Variants in USP31 observed in about 807,000 individuals in gnomAD.
USP31 encodes ubiquitin specific peptidase 31.
USP31 carries 44 observed loss-of-function variants against 119.4 expected under a neutral mutation model. The ratio of observed to expected loss-of-function variants is 0.37; its 90% CI spans 0.29 to 0.47. The LOEUF is 0.47. Among genes scored for constraint, USP31 ranks in the 20% least tolerant of loss-of-function variants. USP31 has a pLI of 0.99. For missense variants in USP31, 1,643 were observed against 1,730.2 expected (o/e 0.95, Z 0.89); for synonymous variants, 749 against 705.6 (o/e 1.06, Z -0.97).
At chr16:23,102,706 C>A (rs549922569) in intron 5 of USP31, among the ~76,000 whole-genome samples, 10 of 152,006 alleles carry the variant, frequency 6.6e-5, no homozygotes, top group African/African-American at 2.2e-4. Context: ...CAACCAACTG[C>A]AGATCAAAAA....
At chr16:23,083,713 A>AGGGGGGGGG (rs1900954021) in intron 11 of USP31, among the ~76,000 whole-genome samples, 2 of 36,694 alleles carry the variant, frequency 5.5e-5, no homozygotes, top group Non-Finnish European at 1.1e-4. Context: ...GGGGGGGGGA[A>AGGGGGGGGG]GGGGTGAAAA....
At chr16:23,111,320 A>T (rs944051927) in intron 1 of USP31, among the ~76,000 whole-genome samples, 1 of 152,150 alleles carries the variant, frequency 6.6e-6, no homozygotes, top group African/African-American at 2.4e-5. Flanking sequence ...TGGTAGAATC[A>T]ATAGGATTTG....
intron 6 of USP31, among the ~76,000 whole-genome samples, chr16:23,099,063 AATCT>A (rs1476127904): frequency 6.6e-6 from 1 of 152,234 alleles, no homozygotes; most frequent in African/African-American, 2.4e-5. Context: ...AAATTTTTGC[AATCT>A]ATCCATCTGA....
At chr16:23,143,936 C>T (rs912308301) in intron 1 of USP31, among the ~76,000 whole-genome samples, 3 of 151,990 alleles carry the variant, frequency 2.0e-5, no homozygotes, top group African/African-American at 7.3e-5. Flanking sequence ...AACCAGTGCT[C>T]TAAGAGTAGG....
chr16:23,090,268 C>T (rs1901294715), intron 7 of USP31, among the ~76,000 whole-genome samples: 1 of 152,144 alleles, frequency 6.6e-6, no homozygotes, highest in South Asian at 2.1e-4. Flanking sequence ...CGCCTATAAT[C>T]CCAGCTACTC....
Position 23,067,933 on chromosome 16 carries a change from G to T in USP31, c.*113C>A. ...TACACTCACACACACACACACAGTC[G>T]GGCACGTGACTCAAAAAAGTACAAA... On this transcript the variant is annotated 3_prime_UTR_variant, in exon 16 of 16. Transcript: ENST00000219689. The T allele has an allele frequency of 6.4e-6, 8 of 1,249,428 alleles. No individual in the cohort carries two copies. Among genetic ancestry groups the T allele is most frequent in the East Asian group, 2.4e-5 (1 of 42,024 alleles). 77.4% of individuals were successfully genotyped at this position (1,249,428 alleles called of 1,614,324 possible).
chr16:23,111,737 G>GA (rs1046660332), intron 1 of USP31, among the ~76,000 whole-genome samples: 1 of 151,960 alleles, frequency 6.6e-6, no homozygotes, highest in Non-Finnish European at 1.5e-5. Flanking sequence ...AGAAGCCCAA[G>GA]AAAAAAACCA....
At chr16:23,084,822 T>C in intron 11 of USP31, 38 bp downstream of exon 11, 2 of 1,611,566 alleles carry the variant, frequency 1.2e-6, no homozygotes, top group Non-Finnish European at 1.7e-6. Flanking sequence ...CACTCCCCAC[T>C]GCCCTGAGCA....
intron 1 of USP31, among the ~76,000 whole-genome samples, chr16:23,134,586 T>G (rs1191598154): frequency 1.3e-5 from 2 of 150,632 alleles, no homozygotes; most frequent in Admixed American, 6.6e-5. Context: ...ATACCAAACC[T>G]TAAAGGAAAT....
intron 1 of USP31, among the ~76,000 whole-genome samples, chr16:23,139,601 T>C (rs986411629): frequency 2.6e-5 from 4 of 152,140 alleles, no homozygotes; most frequent in African/African-American, 9.7e-5. Flanking sequence ...TTAGTTTCCC[T>C]CAAAGGCTTA....
At chr16:23,121,263 C>G (rs1902659483) in intron 1 of USP31, among the ~76,000 whole-genome samples, 1 of 152,178 alleles carries the variant, frequency 6.6e-6, no homozygotes, top group South Asian at 2.1e-4. Flanking sequence ...CTCTACACAG[C>G]CAACCCTATG....
chr16:23,109,640 T>C (rs995125080), intron 1 of USP31, among the ~76,000 whole-genome samples: 3 of 152,182 alleles, frequency 2.0e-5, no homozygotes, highest in African/African-American at 4.8e-5. Flanking sequence ...AAGTAACTTA[T>C]AGTTACTAAC....
Position 23,106,489 on chromosome 16 carries a change from T to TA in USP31, c.772-3dup, listed in dbSNP as rs137886921. 1,458 of 1,347,836 alleles carry TA rather than the reference T, an allele frequency of 1.1e-3. No homozygotes were observed. Among genetic ancestry groups the TA allele is most frequent in the Admixed American group, 2.6e-3 (121 of 47,424 alleles). 83.5% of individuals were successfully genotyped at this position (1,347,836 alleles called of 1,614,324 possible). On this transcript the variant is annotated splice_polypyrimidine_tract_variant and splice_region_variant and intron_variant, in intron 2 of 15. Coordinates refer to ENST00000219689, the MANE Select transcript of USP31 (RefSeq NM_020718.4). Reference sequence around the variant, plus strand: ...CATCATATCAGTCTCTGATGGTGGCTAAAAAAAAAAGAAAGTACAACTTCA... The same window carrying TA: ...CATCATATCAGTCTCTGATGGTGGCTAAAAAAAAAAAGAAAGTACAACTTCA...
At chr16:23,098,068 A>G (rs1218953807) in intron 6 of USP31, among the ~76,000 whole-genome samples, 4 of 152,220 alleles carry the variant, frequency 2.6e-5, no homozygotes, top group Non-Finnish European at 5.9e-5. Context: ...GTATATCTAG[A>G]AAACCCCATC....
intron 1 of USP31, among the ~76,000 whole-genome samples, chr16:23,134,539 G>C (rs1903127465): frequency 6.6e-6 from 1 of 152,074 alleles, no homozygotes; most frequent in Admixed American, 6.6e-5. Context: ...GCCAGGATTT[G>C]AACACTAACC....
At chr16:23,071,389 C>T (rs1178294563) in intron 15 of USP31, among the ~76,000 whole-genome samples, 1 of 151,722 alleles carries the variant, frequency 6.6e-6, no homozygotes, top group African/African-American at 2.4e-5. Context: ...TGTGGCTGCC[C>T]GGTCCTTCCC....
Position 23,072,203 on chromosome 16 carries a change from G to A in USP31, c.2336-6C>T, listed in dbSNP as rs767573673. The A allele has an allele frequency of 1.2e-6, 2 of 1,603,976 alleles. No individual in the cohort carries two copies. Among genetic ancestry groups the A allele is most frequent in the East Asian group, 4.5e-5 (2 of 44,886 alleles). On this transcript the variant is annotated splice_region_variant and splice_polypyrimidine_tract_variant and intron_variant, in intron 14 of 15. Transcript: ENST00000219689. ...CAGGGAAGAACTTGTGGAGCCTGCA[G>A]AGAAGAAAACAGGCATAGAGGTCAG...
In USP31 at chr16:23,126,996, C is replaced by G. The variant is rs9934381; in HGVS notation, c.634-18813G>C. Among the ~76,000 whole-genome samples, 1,413 of 152,206 alleles carry G rather than the reference C, an allele frequency of 9.3e-3. 18 individuals carry two copies. The highest frequency in any genetic ancestry group is 0.03 in the African/African-American group (1,228 of 41,510). On this transcript the variant is annotated intron_variant, in intron 1 of 15. Transcript: ENST00000219689. ...GAGAAAGGCAATAGAGTGGAAGGATCAGAGACAGAGCTAGATTTCTGAATA... is the reference window on the plus strand; with the variant it reads ...GAGAAAGGCAATAGAGTGGAAGGATGAGAGACAGAGCTAGATTTCTGAATA...
intron 5 of USP31, among the ~76,000 whole-genome samples, chr16:23,105,123 G>A (rs1902042238): frequency 6.6e-6 from 1 of 152,274 alleles, no homozygotes; most frequent in East Asian, 1.9e-4. Flanking sequence ...CTGCGAGGAC[G>A]CTCCACTGCC....
Sources: gnomAD v4.1 joint callset for allele counts (sites outside exome capture counted in the v4.1 genomes callset) on GRCh38, gnomAD v4.1.1 for gene constraint, MANE v1.5 for transcripts, NCBI Gene and HGNC (gene_info 2026-07-23, HGNC 2026-07-21) for gene names.